VPS41: variants seen among roughly 807,000 people sequenced by gnomAD.
VPS41 encodes the protein vacuolar protein sorting-associated protein 41 homolog.
VPS41 carries 85 observed loss-of-function variants against 130.9 expected under a neutral mutation model. The ratio of observed to expected loss-of-function variants is 0.65; its 90% CI spans 0.55 to 0.78. The LOEUF is 0.78. Among genes scored for constraint, VPS41 ranks in the 30% least tolerant of loss-of-function variants. The pLI is 0.00. For missense variants in VPS41, 874 were observed against 1,018.7 expected, an observed-to-expected ratio of 0.86 and a Z score of 1.93; for synonymous variants, 335 against 332.9, an observed-to-expected ratio of 1.01 and a Z score of -0.07.
chr7:38,862,577 C>A lies in VPS41; in HGVS notation c.214G>T (p.Val72Phe). Residue 72 changes from valine (V) to phenylalanine (F), a missense_variant, in exon 4 of 29, where the codon GTC becomes TTC. Transcript: ENST00000310301. Reference sequence around the variant, plus strand: ...AACTTCTGAGTGATGTTCCCCTGGACATCAAGTAAATAAACCTTGCCATAA... The same window carrying A: ...AACTTCTGAGTGATGTTCCCCTGGAAATCAAGTAAATAAACCTTGCCATAA... ...THYGKVYLLD[V>F]QGNITQKFDV... is the part of the protein sequence containing the mutation. 6.2e-7 allele frequency: 1 copy of A among 1,610,034 alleles called. No individual in the cohort carries two copies. Among genetic ancestry groups the A allele is most frequent in the Non-Finnish European group, 8.5e-7 (1 of 1,177,980 alleles).
At chr7:38,834,696 A>T (rs1313000771) in intron 4 of VPS41, among the ~76,000 whole-genome samples, 1 of 152,150 alleles carries the variant, frequency 6.6e-6, no homozygotes, top group Non-Finnish European at 1.5e-5. Flanking sequence ...TTAAAAATTT[A>T]AGAAGATCAA....
At chr7:38,768,736 T>G (rs1784097943) in intron 14 of VPS41, among the ~76,000 whole-genome samples, 1 of 152,054 alleles carries the variant, frequency 6.6e-6, no homozygotes, top group African/African-American at 2.4e-5. Flanking sequence ...CTTTTCAGAG[T>G]CAATCCTTCC....
intron 9 of VPS41, among the ~76,000 whole-genome samples, chr7:38,792,445 G>A (rs1784551915): frequency 2.0e-5 from 3 of 152,150 alleles, no homozygotes; most frequent in Admixed American, 2.0e-4. Flanking sequence ...GCAAAAGGTA[G>A]TTTCACCTTC....
chr7:38,891,516 G>A (rs1562626306), intron 2 of VPS41, among the ~76,000 whole-genome samples: 2 of 152,102 alleles, frequency 1.3e-5, no homozygotes, highest in African/African-American at 2.4e-5. Context: ...CATAAACTAA[G>A]CATGATGTTT....
intron 2 of VPS41, among the ~76,000 whole-genome samples, chr7:38,877,714 T>C (rs999900657): frequency 5.9e-5 from 9 of 152,146 alleles, no homozygotes; most frequent in African/African-American, 1.9e-4. Context: ...TAGATAAAGA[T>C]AAAAATTCAC....
intron 25 of VPS41, among the ~76,000 whole-genome samples, chr7:38,734,862 G>T (rs111978457): frequency 1.6e-4 from 25 of 152,282 alleles, no homozygotes; most frequent in African/African-American, 5.5e-4. Context: ...ACACAGGGTA[G>T]ACTGAGAAAC....
intron 1 of VPS41, among the ~76,000 whole-genome samples, chr7:38,907,670 C>G (rs1345896602): frequency 6.6e-6 from 1 of 152,084 alleles, no homozygotes; most frequent in East Asian, 1.9e-4. Context: ...TTAAATTCTT[C>G]TTCTGCACTA....
intron 13 of VPS41, among the ~76,000 whole-genome samples, chr7:38,771,901 A>AT (rs1784160484): frequency 5.3e-5 from 8 of 152,046 alleles, no homozygotes; most frequent in Admixed American, 4.6e-4. Context: ...GAAAAAAAAA[A>AT]TTTTTTTCCA....
chr7:38,847,693 G>A (rs1785757451), intron 4 of VPS41, among the ~76,000 whole-genome samples: 1 of 152,110 alleles, frequency 6.6e-6, no homozygotes, highest in Non-Finnish European at 1.5e-5. Context: ...TCTCAGCAGG[G>A]CCCATAAATA....
chr7:38,788,479 A>G (rs1784479502), intron 10 of VPS41, among the ~76,000 whole-genome samples: 1 of 152,230 alleles, frequency 6.6e-6, no homozygotes, highest in Non-Finnish European at 1.5e-5. Context: ...GTACATGATC[A>G]ATAAGTATCA....
At chr7:38,859,408 C>T (rs1312237092) in intron 4 of VPS41, among the ~76,000 whole-genome samples, 1 of 151,930 alleles carries the variant, frequency 6.6e-6, no homozygotes, top group Non-Finnish European at 1.5e-5. Flanking sequence ...ATTCACTGAC[C>T]CACCCAGAAC....
intron 2 of VPS41, among the ~76,000 whole-genome samples, chr7:38,893,116 G>A (rs1457775773): frequency 6.6e-6 from 1 of 152,180 alleles, no homozygotes. Flanking sequence ...GATGGCCACA[G>A]AATCAAGTCC....
intron 7 of VPS41, among the ~76,000 whole-genome samples, chr7:38,807,905 G>A (rs760283138): frequency 2.0e-5 from 3 of 152,116 alleles, no homozygotes; most frequent in African/African-American, 7.2e-5. Flanking sequence ...ATAAGCACAG[G>A]ACTCTCCATA....
chr7:38,739,252 C>T (rs1032556848), intron 25 of VPS41, among the ~76,000 whole-genome samples: 2 of 152,182 alleles, frequency 1.3e-5, no homozygotes, highest in Non-Finnish European at 2.9e-5. Context: ...CCAGCCCCAT[C>T]ACACACACAG....
chr7:38,897,517 C>T (rs1303722380), intron 2 of VPS41, among the ~76,000 whole-genome samples: 6 of 152,036 alleles, frequency 3.9e-5, no homozygotes, highest in South Asian at 2.1e-4. Flanking sequence ...TGGCGGCGGG[C>T]GCCTGTAGTC....
chr7:38,780,021 G>A (rs1203392153), intron 10 of VPS41, among the ~76,000 whole-genome samples: 2 of 152,132 alleles, frequency 1.3e-5, no homozygotes, highest in Non-Finnish European at 2.9e-5. Context: ...AGGAGACTCA[G>A]TTTGAATACA....
rs192553348 is a variant in VPS41 at position 38,728,950 on chromosome 7, C to T, written c.2260-159G>A. Among the ~76,000 whole-genome samples, 3 of 152,272 alleles carry T rather than the reference C, an allele frequency of 2.0e-5. No individual in the cohort carries two copies. In the East Asian group the frequency reaches 5.8e-4, roughly 29 times the overall value. On this transcript the variant is annotated intron_variant, in intron 25 of 28. Coordinates refer to ENST00000310301, the MANE Select transcript of VPS41 (RefSeq NM_014396.4). Reference sequence around the variant, plus strand: ...CCTCAGTACCCTCTTCCTGCCAAACCACTGCCAGGCTGACCTGGCCAGCCA... The same window carrying T: ...CCTCAGTACCCTCTTCCTGCCAAACTACTGCCAGGCTGACCTGGCCAGCCA...
At chr7:38,865,192 A>G (rs1223794012) in intron 3 of VPS41, among the ~76,000 whole-genome samples, 6 of 151,896 alleles carry the variant, frequency 4.0e-5, no homozygotes, top group African/African-American at 1.4e-4. Flanking sequence ...ACAGTCGATG[A>G]GTAGCAGAAT....
chr7:38,882,917 G>C (rs1562622465), intron 2 of VPS41, among the ~76,000 whole-genome samples: 1 of 152,080 alleles, frequency 6.6e-6, no homozygotes, highest in Non-Finnish European at 1.5e-5. Flanking sequence ...CTAAAACAAA[G>C]ACTCTCCAAT....
Sources: gnomAD v4.1 joint callset for allele counts (sites outside exome capture counted in the v4.1 genomes callset) on GRCh38, gnomAD v4.1.1 for gene constraint, MANE v1.5 for transcripts, NCBI Gene and HGNC (gene_info 2026-07-23, HGNC 2026-07-21) for gene names.